The following MAP2K5 variants were observed in gnomAD, a reference collection of about 807,000 sequenced individuals.
The protein encoded by MAP2K5 is dual specificity mitogen-activated protein kinase kinase 5.
Under a neutral mutation model 83.1 loss-of-function variants are expected in MAP2K5, and 49 were observed. That is an observed-to-expected ratio of 0.59 (90% CI 0.47 to 0.75). MAP2K5 has a LOEUF of 0.75. Ranked by LOEUF, MAP2K5 falls within the 30% of genes least tolerant of loss-of-function variation. The pLI, the probability that MAP2K5 is intolerant of heterozygous loss-of-function variation, is 0.00. For synonymous variants in MAP2K5, 202 were observed against 191.8 expected (o/e 1.05, Z -0.44); for missense variants, 457 against 557.5 (o/e 0.82, Z 1.82).
chr15:67,580,173 G>C (rs1035997114), intron 3 of MAP2K5, among the ~76,000 whole-genome samples: 1 of 152,120 alleles, frequency 6.6e-6, no homozygotes, highest in Non-Finnish European at 1.5e-5. Flanking sequence ...AATTTGATCC[G>C]TACTAAAGTG....
intron 17 of MAP2K5, among the ~76,000 whole-genome samples, chr15:67,733,994 C>T (rs2089284211): frequency 1.3e-5 from 2 of 152,204 alleles, no homozygotes; most frequent in African/African-American, 4.8e-5. Flanking sequence ...CAAGGAAATA[C>T]GTTTTGCAAA....
intron 11 of MAP2K5, among the ~76,000 whole-genome samples, chr15:67,656,916 C>A (rs771933432): frequency 6.6e-6 from 1 of 152,128 alleles, no homozygotes; most frequent in Non-Finnish European, 1.5e-5. Context: ...TACTGAATTG[C>A]AGAAAAAGAA....
At position 67,790,895 on chromosome 15, in the gene MAP2K5, A is replaced by T. The variant is rs2090504961; in HGVS notation, c.1243-15751A>T. On this transcript the variant is annotated intron_variant, in intron 21 of 21. Coordinates refer to ENST00000178640, the MANE Select transcript of MAP2K5 (RefSeq NM_145160.3). This position sits in a 1 kb window ranked among gnomAD's most constrained non-coding sequence, Gnocchi z 4.6. The stretch of plus-strand genomic sequence containing the variant: ...CCTCTGGGCTGGGAATTTCACACAC[A>T]CTGTCCTGTGAGGTTGATGCTGTTC... Among the ~76,000 whole-genome samples, 1 of 152,186 alleles carries T rather than the reference A, an allele frequency of 6.6e-6. No individual in the cohort carries two copies. The highest frequency in any genetic ancestry group is 1.5e-5 in the Non-Finnish European group (1 of 68,036).
chr15:67,734,806 A>G (rs937835299), intron 17 of MAP2K5, among the ~76,000 whole-genome samples: 1 of 152,202 alleles, frequency 6.6e-6, no homozygotes, highest in African/African-American at 2.4e-5. Context: ...TTTTAAATAT[A>G]CAGTTTTTTG....
intron 15 of MAP2K5, among the ~76,000 whole-genome samples, chr15:67,700,734 A>G (rs2088395580): frequency 6.6e-6 from 1 of 152,116 alleles, no homozygotes; most frequent in Non-Finnish European, 1.5e-5. Context: ...TGTTTAGGAT[A>G]GACACGTGGA....
intron 15 of MAP2K5, among the ~76,000 whole-genome samples, chr15:67,696,572 G>A (rs2088266697): frequency 6.6e-6 from 1 of 152,290 alleles, no homozygotes; most frequent in African/African-American, 2.4e-5. Flanking sequence ...AGGTACAGTG[G>A]AACCACTCTA....
rs180848911 is a variant in MAP2K5, at chr15:67,728,035, T to G, written c.1074+90T>G. ...AGCAATTGTGAACATTTGAGCCACA[T>G]ACAAATAAATCTGTCCTGTTAAATT... On this transcript the variant is annotated intron_variant, in intron 17 of 21. Coordinates refer to ENST00000178640, the MANE Select transcript of MAP2K5 (RefSeq NM_145160.3). 7.6e-5 allele frequency: 80 copies of G among 1,059,130 alleles called. 1 individual carries two copies. Among genetic ancestry groups the G allele is most frequent in the Admixed American group, 6.7e-4 (39 of 58,636 alleles). 65.6% of individuals were successfully genotyped at this position (1,059,130 alleles called of 1,614,324 possible).
rs1209097417 is a variant in MAP2K5, at chr15:67,552,603, T to TA, written c.184+2528dup. 6.6e-6 allele frequency among the ~76,000 whole-genome samples: 1 copy of TA among 151,992 alleles called. No individual in the cohort carries two copies. Among genetic ancestry groups the TA allele is most frequent in the Non-Finnish European group, 1.5e-5 (1 of 67,998 alleles). ...GCACCCACCTCCACACCTAGCTAAT[T>TA]AAAAAAATTTTTTTGTAGAAACGGG... On this transcript the variant is annotated intron_variant, in intron 2 of 21. Coordinates refer to ENST00000178640, the MANE Select transcript of MAP2K5 (RefSeq NM_145160.3). The surrounding 1 kb of genome is among the most constrained non-coding windows in gnomAD (Gnocchi z 4.2).
chr15:67,674,226 A>G (rs2087622302), intron 13 of MAP2K5, among the ~76,000 whole-genome samples: 1 of 152,090 alleles, frequency 6.6e-6, no homozygotes, highest in Non-Finnish European at 1.5e-5. Flanking sequence ...AGTAGGTTTT[A>G]TGTTGCCATG....
chr15:67,546,323 A>T (rs2084388273), intron 1 of MAP2K5: 2 of 152,312 alleles, frequency 1.3e-5, no homozygotes, highest in Admixed American at 1.3e-4. Context: ...AAGAGGCATG[A>T]ACCCCACAGG....
At chr15:67,672,264 T>A (rs1381497900) in intron 13 of MAP2K5, among the ~76,000 whole-genome samples, 3 of 151,376 alleles carry the variant, frequency 2.0e-5, no homozygotes, top group Non-Finnish European at 4.4e-5. Flanking sequence ...GTTGAACTAG[T>A]TTACAGTCCC....
At chr15:67,594,869 C>T (rs1479179701) in intron 7 of MAP2K5, among the ~76,000 whole-genome samples, 3 of 152,092 alleles carry the variant, frequency 2.0e-5, no homozygotes, top group African/African-American at 7.2e-5. Flanking sequence ...CTTCTAATTC[C>T]TTAATTCCTC....
In MAP2K5 at chr15:67,585,893, G is replaced by C; in HGVS notation, c.326G>C (p.Cys109Ser). The C allele has an allele frequency of 1.2e-6, 2 of 1,613,772 alleles. No individual in the cohort carries two copies. The highest frequency in any genetic ancestry group is 1.7e-6 in the Non-Finnish European group (2 of 1,179,732). ...ATTTAGTCAATTACTGTTTCAGCCTGCAAGCCTCCTGGGGAACGGAACATA... is the reference window on the plus strand; with the variant it reads ...ATTTAGTCAATTACTGTTTCAGCCTCCAAGCCTCCTGGGGAACGGAACATA... ...IEPLQIFPRA[C>S]KPPGERNIHG... Residue 109 changes from cysteine (C) to serine (S), a missense_variant, in exon 5 of 22, where the codon TGC becomes TCC. By Grantham distance (112) the Cys-to-Ser change is moderately radical. Around this residue, in one of 3 missense-constraint regions of MAP2K5, gnomAD observed 234 missense variants for 243.6 expected, o/e 0.96. Coordinates refer to ENST00000178640, the MANE Select transcript of MAP2K5 (RefSeq NM_145160.3).
chr15:67,592,903 TA>T, intron 6 of MAP2K5, 22 bp from the exon 7 acceptor site: 1 of 1,589,382 alleles, frequency 6.3e-7, no homozygotes, highest in Non-Finnish European at 8.6e-7. Context: ...ATCTTGCCAC[TA>T]AAAATTATCT....
chr15:67,605,179 A>G (rs981299435), intron 8 of MAP2K5, among the ~76,000 whole-genome samples: 1 of 151,044 alleles, frequency 6.6e-6, no homozygotes, highest in Non-Finnish European at 1.5e-5. Context: ...CAGCCTCCCT[A>G]GAGTAGCTGG....
rs1236079719 is a variant in MAP2K5 at position 67,749,993 on chromosome 15, C to A, written c.1134+1392C>A. 6.6e-6 allele frequency among the ~76,000 whole-genome samples: 1 copy of A among 152,244 alleles called. No homozygotes were observed. Among genetic ancestry groups the A allele is most frequent in the Admixed American group, 6.5e-5 (1 of 15,284 alleles). ...AGAACATCCAGGTAAAGGCATTCCT[C>A]ACCAATACTATGTGTGTTTCTCATT... is the stretch of plus-strand genomic sequence containing the variant. On this transcript the variant is annotated intron_variant, in intron 19 of 21. Transcript: ENST00000178640. This position sits in a 1 kb window ranked among gnomAD's most constrained non-coding sequence, Gnocchi z 4.6.
At position 67,630,923 on chromosome 15, in the gene MAP2K5, T is replaced by C; in HGVS notation, c.581T>C (p.Val194Ala). Residue 194 changes from valine to alanine, a missense_variant, in exon 9 of 22, where the codon GTA becomes GCA. By Grantham distance (64) the Val-to-Ala change is moderately conservative. Coordinates refer to ENST00000178640, the MANE Select transcript of MAP2K5 (RefSeq NM_145160.3). ...GTCCCGAGTGGGAAAATATTAGCTG[T>C]AAAGGTAAGTACTGGATACATTTTA... ...YHVPSGKILA[V>A]KVILLDITLE... 1 of 1,606,578 alleles carries C rather than the reference T, an allele frequency of 6.2e-7. No individual in the cohort carries two copies. The highest frequency in any genetic ancestry group is 8.5e-7 in the Non-Finnish European group (1 of 1,174,554).
At chr15:67,622,167 A>T (rs2086201437) in intron 8 of MAP2K5, among the ~76,000 whole-genome samples, 1 of 147,032 alleles carries the variant, frequency 6.8e-6, no homozygotes, top group Non-Finnish European at 1.5e-5. Flanking sequence ...AAAAAAAAGA[A>T]GATGAAGGGA....
intron 8 of MAP2K5, among the ~76,000 whole-genome samples, chr15:67,616,379 GATTT>G (rs1457160155): frequency 1.3e-5 from 2 of 152,242 alleles, no homozygotes; most frequent in South Asian, 2.1e-4. Flanking sequence ...TTTAGACAAT[GATTT>G]ATTTGTCTTG....
Sources: allele counts gnomAD v4.1 joint callset (sites outside exome capture counted in the v4.1 genomes callset), GRCh38; gene constraint gnomAD v4.1.1; regional missense constraint gnomAD v4.1.1; non-coding constraint Gnocchi (gnomAD v3.1); transcripts MANE v1.5; gene names NCBI Gene and HGNC (gene_info 2026-07-23, HGNC 2026-07-21).